Variants in GPHN observed in about 807,000 individuals in gnomAD.
GPHN encodes gephyrin.
Under a neutral mutation model 95.5 loss-of-function variants are expected in GPHN, and 17 were observed. The observed-to-expected ratio is 0.18, with a 90% CI of 0.12 to 0.27. The LOEUF is 0.27. GPHN is among the 10% of genes least tolerant of loss of function. The pLI, the probability that GPHN is intolerant of heterozygous loss-of-function variation, is 1.00. For synonymous variants in GPHN, 320 were observed against 322.5 expected (o/e 0.99, Z 0.08); for missense variants, 660 against 978.1 (o/e 0.67, Z 4.34).
At chr14:66,804,717 T>C (rs978943230) in intron 3 of GPHN, among the ~76,000 whole-genome samples, 3 of 152,210 alleles carry the variant, frequency 2.0e-5, no homozygotes, top group Admixed American at 1.3e-4. Context: ...AGTTTCCTCC[T>C]CTTTGGAATT....
At chr14:67,332,649 A>T in the GPHN span, 2 of 856,274 alleles carry the variant, frequency 2.3e-6, no homozygotes, top group Non-Finnish European at 1.7e-6. Flanking sequence ...GTTGGAAAGG[A>T]GCTCCTGAGG....
the GPHN span, among the ~76,000 whole-genome samples, chr14:67,642,788 ATTTT>A: frequency 5.9e-5 from 2 of 33,734 alleles, no homozygotes; most frequent in Non-Finnish European, 1.3e-4. Context: ...ATGTTACTAC[ATTTT>A]CTTTTTTTTT....
the GPHN span, among the ~76,000 whole-genome samples, chr14:67,299,396 T>A: frequency 2.0e-5 from 3 of 152,212 alleles, no homozygotes; most frequent in Non-Finnish European, 4.4e-5. Flanking sequence ...TCCATTCTTT[T>A]ACTTCCTTCC....
chr14:67,255,256 C>T, the GPHN span, among the ~76,000 whole-genome samples: 2 of 152,246 alleles, frequency 1.3e-5, no homozygotes, highest in Middle Eastern at 6.8e-3. Context: ...AGAAAATCTG[C>T]ATGGAGTACA....
chr14:67,511,363 A>G, the GPHN span, among the ~76,000 whole-genome samples: 1 of 151,694 alleles, frequency 6.6e-6, no homozygotes, highest in African/African-American at 2.4e-5. Flanking sequence ...ACAAAAAAAC[A>G]AAAAAAACTG....
chr14:66,707,738 C>T (rs1205993582), intron 2 of GPHN, among the ~76,000 whole-genome samples: 2 of 151,998 alleles, frequency 1.3e-5, no homozygotes, highest in East Asian at 3.9e-4. Flanking sequence ...CACATGTATA[C>T]CTATGTAACA....
the GPHN span, chr14:67,570,084 G>T: frequency 5.6e-6 from 6 of 1,073,352 alleles, no homozygotes; most frequent in Admixed American, 1.2e-4. Flanking sequence ...CAATGACTGG[G>T]GCGGGGCTCT....
chr14:66,584,790 C>T (rs1010720712), intron 1 of GPHN, among the ~76,000 whole-genome samples: 2 of 152,080 alleles, frequency 1.3e-5, no homozygotes, highest in African/African-American at 4.8e-5. Context: ...TTCGGTTTGC[C>T]AGTATTTTAT....
At chr14:67,374,638 T>C in the GPHN span, 1 of 815,032 alleles carries the variant, frequency 1.2e-6, no homozygotes, top group African/African-American at 1.7e-5. Flanking sequence ...TACCTTAAAG[T>C]ATTGCTTATG....
At chr14:67,663,134 C>T in the GPHN span, 3 of 1,528,970 alleles carry the variant, frequency 2.0e-6, no homozygotes, top group East Asian at 4.9e-5. Context: ...TTCAGCCTTT[C>T]CCATTCTGTC....
intron 3 of GPHN, among the ~76,000 whole-genome samples, chr14:66,777,137 G>A (rs1281657957): frequency 6.6e-6 from 1 of 150,876 alleles, no homozygotes; most frequent in Non-Finnish European, 1.5e-5. Context: ...ATGATAAAGG[G>A]GATATCACCA....
intron 8 of GPHN, among the ~76,000 whole-genome samples, chr14:66,936,647 T>G (rs968967945): frequency 5.4e-4 from 82 of 152,202 alleles, no homozygotes; most frequent in African/African-American, 1.9e-3. Context: ...GTTATAACAC[T>G]TAGAAGTATA....
rs1567401011 is a variant in GPHN, at chr14:67,144,274, T to TACATAC, written c.1836+826_1836+827insCATACA. On this transcript the variant is annotated intron_variant, in intron 18 of 22. Coordinates refer to ENST00000478722, the MANE Select transcript of GPHN (RefSeq NM_020806.5). ...AAATATATATATATATATATATATA[T>TACATAC]ATATATATATATACACACACACATA... 1.2e-3 allele frequency among the ~76,000 whole-genome samples: 138 copies of TACATAC among 115,540 alleles called. 15 individuals are homozygous for TACATAC. Among genetic ancestry groups the TACATAC allele is most frequent in the African/African-American group, 4.3e-3 (119 of 27,808 alleles). 75.8% of individuals were successfully genotyped at this position (115,540 alleles called of 152,430 possible).
At chr14:66,763,683 T>C (rs1032686934) in intron 2 of GPHN, among the ~76,000 whole-genome samples, 1 of 152,042 alleles carries the variant, frequency 6.6e-6, no homozygotes, top group African/African-American at 2.4e-5. Context: ...TTAGGTATCA[T>C]GAGTAATCTA....
the GPHN span, among the ~76,000 whole-genome samples, chr14:67,619,178 G>A: frequency 6.6e-6 from 1 of 152,114 alleles, no homozygotes; most frequent in Non-Finnish European, 1.5e-5. Context: ...ATTATTATTC[G>A]TTATTAAAAC....
At chr14:67,439,572 T>TCTTC in the GPHN span, among the ~76,000 whole-genome samples, 7 of 143,570 alleles carry the variant, frequency 4.9e-5, no homozygotes, top group Non-Finnish European at 8.9e-5. Flanking sequence ...TTTCTTTCTT[T>TCTTC]CTTTCTTTCT....
the GPHN span, chr14:67,312,503 G>A: frequency 6.7e-7 from 1 of 1,488,258 alleles, no homozygotes; most frequent in Non-Finnish European, 9.0e-7. Context: ...ATTTATTGTT[G>A]TTTTTGCCCT....
intron 6 of GPHN, 23 bp from the exon 7 acceptor site, chr14:66,922,643 T>G: frequency 6.3e-7 from 1 of 1,580,414 alleles, no homozygotes; most frequent in East Asian, 2.3e-5. Context: ...ATCTTAATTT[T>G]TTTTTCTTTC....
chr14:67,091,765 T>A (rs1410949216), intron 12 of GPHN, among the ~76,000 whole-genome samples: 1 of 151,828 alleles, frequency 6.6e-6, no homozygotes, highest in Non-Finnish European at 1.5e-5. Context: ...TTTCTGACAC[T>A]GTACAACTCA....
Sources: allele counts gnomAD v4.1 joint callset (sites outside exome capture counted in the v4.1 genomes callset), GRCh38; gene constraint gnomAD v4.1.1; transcripts MANE v1.5; gene names NCBI Gene and HGNC (gene_info 2026-07-23, HGNC 2026-07-21).